Variants in NLRP1 observed in about 807,000 individuals in gnomAD.
The protein encoded by NLRP1 is NACHT, LRR and PYD domains-containing protein 1.
Under a neutral mutation model 136.7 loss-of-function variants are expected in NLRP1, and 94 were observed. The ratio of observed to expected loss-of-function variants is 0.69; its 90% confidence interval spans 0.58 to 0.82. The LOEUF is 0.82. NLRP1 is among the 40% of genes least tolerant of loss of function. NLRP1 has a pLI of 0.00. For synonymous variants in NLRP1, 690 were observed against 725.1 expected, an observed-to-expected ratio of 0.95 and a Z score of 0.78; for missense variants, 1,575 against 1,802.7, an observed-to-expected ratio of 0.87 and a Z score of 2.29.
chr17:5,511,787 T>C (rs1907652696), downstream of NLRP1, among the ~76,000 whole-genome samples: 2 of 149,670 alleles, frequency 1.3e-5, no homozygotes, highest in African/African-American at 4.9e-5. Flanking sequence ...CTTCTTTCTT[T>C]CTCTTTCCTT....
At chr17:5,582,868 G>C (rs774912115) in intron 1 of NLRP1, 22 bp from the exon 2 acceptor site, 1 of 1,579,052 alleles carries the variant, frequency 6.3e-7, no homozygotes, top group Admixed American at 1.8e-5. Context: ...AGACAAAGAG[G>C]TTGGAGACAC....
intron 12 of NLRP1, among the ~76,000 whole-genome samples, chr17:5,526,926 C>G (rs1305109804): frequency 6.6e-6 from 1 of 152,232 alleles, no homozygotes; most frequent in African/African-American, 2.4e-5. Flanking sequence ...TGACTCATCA[C>G]CCGTTCAGCG....
At chr17:5,581,060 C>T (rs1245991986) in intron 3 of NLRP1, among the ~76,000 whole-genome samples, 3 of 152,162 alleles carry the variant, frequency 2.0e-5, no homozygotes, top group Non-Finnish European at 4.4e-5. Context: ...AGGCCATATA[C>T]GACCACAAAA....
chr17:5,566,749 A>G (rs973315930), intron 3 of NLRP1, among the ~76,000 whole-genome samples: 1 of 152,034 alleles, frequency 6.6e-6, no homozygotes, highest in African/African-American at 2.4e-5. Flanking sequence ...GTCCAATGCT[A>G]AAAGTGGGGT....
chr17:5,555,239 C>T (rs1252319501), intron 4 of NLRP1, among the ~76,000 whole-genome samples: 4 of 152,292 alleles, frequency 2.6e-5, no homozygotes, highest in Admixed American at 1.3e-4. Context: ...ACATGCCAAA[C>T]ACCTGGAAGC....
intron 12 of NLRP1, among the ~76,000 whole-genome samples, chr17:5,525,695 T>C (rs1047974464): frequency 6.6e-6 from 1 of 152,226 alleles, no homozygotes; most frequent in African/African-American, 2.4e-5. Flanking sequence ...CAGCAAGGGT[T>C]CTTACCAACT....
chr17:5,504,653 T>TAGAATAGAAC lies in NLRP1; in HGVS notation c.4070-2782_4070-2781insGTTCTATTCT, dbSNP rs1435832166. ...TAGAATAGAATAGAATAGAATAGAA[T>TAGAATAGAAC]AGAATAAAACACTGACTGCTGGGGT... On this transcript the variant is annotated intron_variant, in intron 15 of 15. Coordinates refer to the NLRP1 transcript ENST00000262467. The surrounding 1 kb of genome is among the most constrained non-coding windows in gnomAD (Gnocchi z 4.4). 3 of 150,824 alleles carry TAGAATAGAAC rather than the reference T, an allele frequency of 2.0e-5. No individual in the cohort carries two copies. Among genetic ancestry groups the TAGAATAGAAC allele is most frequent in the Non-Finnish European group, 4.4e-5 (3 of 67,718 alleles). The allele number at this position is 150,824 out of a possible 1,614,324, so 9.3% of individuals were successfully genotyped here.
chr17:5,541,944 T>C lies in NLRP1; in HGVS notation c.2612A>G (p.Asp871Gly). ...LRANQTLTELDLSFNVLTDAG... is the reference protein window; with the variant it reads ...LRANQTLTELGLSFNVLTDAG... ...ATCCGTGAGCACATTGAAGCTCAGGTCCAGCTCGGTCAGGGTCTGGTTGGC... is the reference window on the plus strand; with the variant it reads ...ATCCGTGAGCACATTGAAGCTCAGGCCCAGCTCGGTCAGGGTCTGGTTGGC... Residue 871 changes from aspartate (D) to glycine (G), a missense_variant, in exon 6 of 17, where the codon GAC becomes GGC. Transcript: ENST00000572272. This position sits in a 1 kb window ranked among gnomAD's most constrained non-coding sequence, Gnocchi z 4.2. The C allele has an allele frequency of 1.2e-6, 2 of 1,614,124 alleles. No homozygotes were observed. Among genetic ancestry groups the C allele is most frequent in the Non-Finnish European group, 1.7e-6 (2 of 1,180,020 alleles).
chr17:5,562,619 A>G (rs532658288), intron 3 of NLRP1, among the ~76,000 whole-genome samples: 1 of 152,248 alleles, frequency 6.6e-6, no homozygotes, highest in Non-Finnish European at 1.5e-5. Context: ...CACGCAGCAG[A>G]GTAAGAGTGT....
At chr17:5,527,012 G>A (rs1390516326) in intron 12 of NLRP1, among the ~76,000 whole-genome samples, 2 of 152,230 alleles carry the variant, frequency 1.3e-5, no homozygotes, top group African/African-American at 2.4e-5. Flanking sequence ...CGTTTCCAGG[G>A]CAATGAACAG....
chr17:5,522,985 A>AG (rs2151744747), intron 12 of NLRP1, among the ~76,000 whole-genome samples: 1 of 152,282 alleles, frequency 6.6e-6, no homozygotes, highest in Non-Finnish European at 1.5e-5. Flanking sequence ...CCCCCCACTC[A>AG]GGATGCTACT....
chr17:5,505,618 C>T (rs1377259705), intron 15 of NLRP1: 1 of 152,312 alleles, frequency 6.6e-6, no homozygotes, highest in African/African-American at 2.4e-5. Context: ...GCATTAAACC[C>T]CAAGCATGGG....
chr17:5,533,604 A>ATTCCCAGG (rs1229417078), intron 9 of NLRP1, among the ~76,000 whole-genome samples: 1 of 124,744 alleles, frequency 8.0e-6, no homozygotes, highest in East Asian at 2.3e-4. Flanking sequence ...TGGAGATGTG[A>ATTCCCAGG]TTCCCAGGCC....
At position 5,583,989 on chromosome 17, in the gene NLRP1, G is replaced by A. The variant is rs765164546; in HGVS notation, c.-32C>T. The A allele has an allele frequency of 8.8e-6, 14 of 1,593,894 alleles. No individual in the cohort carries two copies. The highest frequency in any genetic ancestry group is 1.3e-5 in the African/African-American group (1 of 74,688). ...CCCGGAGTTAAGAGGGTGTCTGGGG[G>A]ATGTTCCCAGGTGGTGAGGGTATCA... On this transcript the variant is annotated 5_prime_UTR_variant, in exon 1 of 17. Coordinates refer to ENST00000572272, the MANE Select transcript of NLRP1 (RefSeq NM_033004.4). The surrounding 1 kb of genome is among the most constrained non-coding windows in gnomAD (Gnocchi z 4.5).
intron 3 of NLRP1, among the ~76,000 whole-genome samples, chr17:5,569,727 C>A (rs1915676531): frequency 6.6e-6 from 1 of 151,820 alleles, no homozygotes; most frequent in East Asian, 1.9e-4. Context: ...AGAATACTAA[C>A]AAAGATATTT....
chr17:5,511,418 G>A (rs866332348), downstream of NLRP1, among the ~76,000 whole-genome samples: 3 of 147,618 alleles, frequency 2.0e-5, no homozygotes, highest in Non-Finnish European at 4.4e-5. Flanking sequence ...TCCAGCCTGG[G>A]CGACAGAGCG....
chr17:5,553,637 G>A, intron 4 of NLRP1, 81 bp from the exon 5 acceptor site: 1 of 1,342,628 alleles, frequency 7.4e-7, no homozygotes, highest in Non-Finnish European at 1.0e-6. Flanking sequence ...CAACACAGTT[G>A]GGCTTTGTCC....
chr17:5,574,398 G>A (rs1904784302), intron 3 of NLRP1, among the ~76,000 whole-genome samples: 1 of 152,172 alleles, frequency 6.6e-6, no homozygotes, highest in Admixed American at 6.6e-5. Context: ...ATATTATCCA[G>A]GAGAACTTCC....
exon 16 of NLRP1, chr17:5,501,752 G>T: frequency 7.2e-7 from 1 of 1,392,406 alleles, no homozygotes; most frequent in South Asian, 1.2e-5. Context: ...GTCTACTCAG[G>T]CCTCCTTGTC....
Sources: gnomAD v4.1 joint callset for allele counts (sites outside exome capture counted in the v4.1 genomes callset) on GRCh38, gnomAD v4.1.1 for gene constraint, Gnocchi (gnomAD v3.1) non-coding constraint, MANE v1.5 for transcripts, NCBI Gene and HGNC (gene_info 2026-07-23, HGNC 2026-07-21) for gene names.